Variants in POFUT3 observed in about 807,000 individuals in gnomAD.
POFUT3 encodes the protein GDP-fucose protein O-fucosyltransferase 3.
chr8:33,455,819 T>C, the POFUT3 span: 22 of 456,238 alleles, frequency 4.8e-5, no homozygotes, highest in South Asian at 2.0e-4. Flanking sequence ...CCGCTGATCA[T>C]TGAAGCATTG....
the POFUT3 span, among the ~76,000 whole-genome samples, chr8:33,465,981 T>C: frequency 1.3e-5 from 2 of 152,216 alleles, no homozygotes; most frequent in African/African-American, 4.8e-5. Flanking sequence ...AGGTCTATCA[T>C]AGGAGCTTTT....
the POFUT3 span, among the ~76,000 whole-genome samples, chr8:33,411,030 A>G: frequency 6.6e-6 from 1 of 152,190 alleles, no homozygotes; most frequent in Admixed American, 6.5e-5. Context: ...ACTGGGTGTT[A>G]TGGTCTGGGC....
chr8:33,380,150 CTATATATATATACTA>C, the POFUT3 span, among the ~76,000 whole-genome samples: 1 of 44,746 alleles, frequency 2.2e-5, no homozygotes, highest in Non-Finnish European at 3.3e-5. Context: ...TATATATACA[CTATATATATATACTA>C]TATATATATA....
the POFUT3 span, among the ~76,000 whole-genome samples, chr8:33,363,505 A>G: frequency 1.3e-5 from 2 of 152,210 alleles, no homozygotes; most frequent in Non-Finnish European, 2.9e-5. Flanking sequence ...AAGATCAACA[A>G]AATTGATAGA....
the POFUT3 span, among the ~76,000 whole-genome samples, chr8:33,313,437 AATCTT>A: frequency 6.6e-6 from 1 of 152,092 alleles, no homozygotes; most frequent in Non-Finnish European, 1.5e-5. Context: ...CCACAATCAT[AATCTT>A]CGCCCTCTTT....
the POFUT3 span, among the ~76,000 whole-genome samples, chr8:33,334,679 G>A: frequency 6.6e-6 from 1 of 152,164 alleles, no homozygotes; most frequent in Admixed American, 6.6e-5. Flanking sequence ...GAAGATCTCC[G>A]GGCTTTCTGG....
chr8:33,318,468 ATAT>A, the POFUT3 span, among the ~76,000 whole-genome samples: 6 of 134,214 alleles, frequency 4.5e-5, no homozygotes, highest in Non-Finnish European at 6.1e-5. Context: ...GAATTCTATT[ATAT>A]TATTATAATA....
chr8:33,454,492 C>T, the POFUT3 span, among the ~76,000 whole-genome samples: 3 of 152,150 alleles, frequency 2.0e-5, no homozygotes, highest in African/African-American at 4.8e-5. Context: ...ACATTGATCC[C>T]ATCTGCAAAG....
the POFUT3 span, among the ~76,000 whole-genome samples, chr8:33,441,766 C>A: frequency 6.6e-6 from 1 of 152,168 alleles, no homozygotes; most frequent in Non-Finnish European, 1.5e-5. Context: ...TAGTTGTCTG[C>A]TCTGCAGAAT....
chr8:33,429,576 G>C, the POFUT3 span, among the ~76,000 whole-genome samples: 1 of 152,108 alleles, frequency 6.6e-6, no homozygotes, highest in African/African-American at 2.4e-5. Context: ...TGAAGCAATT[G>C]AGGGGGAGGG....
the POFUT3 span, among the ~76,000 whole-genome samples, chr8:33,323,023 C>G: frequency 6.6e-6 from 1 of 151,822 alleles, no homozygotes; most frequent in African/African-American, 2.4e-5. Flanking sequence ...TACAAGTGGG[C>G]AACAATAATT....
At chr8:33,381,465 T>G in the POFUT3 span, among the ~76,000 whole-genome samples, 3 of 152,194 alleles carry the variant, frequency 2.0e-5, no homozygotes, top group African/African-American at 7.2e-5. Context: ...GACATCATGA[T>G]ACAGGAAGTA....
the POFUT3 span, among the ~76,000 whole-genome samples, chr8:33,376,661 C>A: frequency 2.6e-5 from 4 of 152,098 alleles, no homozygotes; most frequent in African/African-American, 9.7e-5. Context: ...AAGCAGAGTG[C>A]AAATTGAAAT....
At chr8:33,452,093 G>GTATATGTA in the POFUT3 span, 1 of 151,150 alleles carries the variant, frequency 6.6e-6, no homozygotes, top group Non-Finnish European at 1.5e-5. Flanking sequence ...GTATGTATAT[G>GTATATGTA]TATATATATA....
chr8:33,319,083 T>C, the POFUT3 span, among the ~76,000 whole-genome samples: 1 of 74,688 alleles, frequency 1.3e-5, no homozygotes, highest in Non-Finnish European at 2.1e-5. Context: ...TTATATAATA[T>C]ATAAATATAT....
At chr8:33,450,951 A>T in the POFUT3 span, among the ~76,000 whole-genome samples, 1 of 152,126 alleles carries the variant, frequency 6.6e-6, no homozygotes, top group Non-Finnish European at 1.5e-5. Flanking sequence ...ACAGACCCAC[A>T]CCAAAGCAGT....
chr8:33,449,817 A>G, the POFUT3 span, among the ~76,000 whole-genome samples: 207 of 151,800 alleles, frequency 1.4e-3, 1 homozygote, highest in African/African-American at 4.9e-3. Flanking sequence ...GCCTCCATTC[A>G]TGCTGTTCTT....
At chr8:33,370,417 T>G in the POFUT3 span, among the ~76,000 whole-genome samples, 1 of 152,146 alleles carries the variant, frequency 6.6e-6, no homozygotes, top group Non-Finnish European at 1.5e-5. Flanking sequence ...AGCAAAATGT[T>G]GCATTGTACA....
the POFUT3 span, chr8:33,436,545 T>C: frequency 9.2e-6 from 9 of 975,054 alleles, no homozygotes; most frequent in East Asian, 2.0e-4. Flanking sequence ...GCAGGTTGCG[T>C]ATGGCATCTT....
Sources: gnomAD v4.1 joint callset for allele counts (sites outside exome capture counted in the v4.1 genomes callset) on GRCh38, gnomAD v4.1.1 for gene constraint, MANE v1.5 for transcripts, NCBI Gene and HGNC (gene_info 2026-07-23, HGNC 2026-07-21) for gene names.